Variants in RP1 observed in about 807,000 individuals in gnomAD.
RP1 encodes the protein oxygen-regulated protein 1.
In RP1, 16 loss-of-function variants were observed where a neutral mutation model predicts 14.8. The ratio of observed to expected loss-of-function variants is 1.08; its 90% CI spans 0.73 to 1.65. The LOEUF (loss-of-function observed/expected upper bound fraction) is 1.65, where lower values mean the gene tolerates loss of function less well. Among genes scored for constraint, RP1 ranks in the 40% most tolerant of loss-of-function variants. RP1 has a pLI of 0.00. For missense variants in RP1, 2,631 were observed against 2,535.0 expected (o/e 1.04, Z -0.81); for synonymous variants, 876 against 883.6 (o/e 0.99, Z 0.15).
At chr8:54,840,633 T>TC (rs1811770240) in intron 25 of RP1, among the ~76,000 whole-genome samples, 1 of 149,952 alleles carries the variant, frequency 6.7e-6, no homozygotes, top group African/African-American at 2.4e-5. Flanking sequence ...GTTTTTTTTT[T>TC]TTAATTTGAG....
chr8:54,731,048 T>C (rs1004292732), intron 17 of RP1, among the ~76,000 whole-genome samples: 1 of 152,126 alleles, frequency 6.6e-6, no homozygotes, highest in Non-Finnish European at 1.5e-5. Flanking sequence ...GAATAGCATA[T>C]AGAGGCTATA....
Position 54,627,167 on chromosome 8 carries a change from T to A in RP1, c.3285T>A (p.Val1095=). ...VLMLHQLQAS[V]PGIHKTQNGV... is the part of the protein sequence containing the mutation. Reference sequence around the variant, plus strand: ...TGCTTCACCAATTGCAAGCTTCAGTTCCTGGTATTCACAAGACTCAGAATG... The same window carrying A: ...TGCTTCACCAATTGCAAGCTTCAGTACCTGGTATTCACAAGACTCAGAATG... The change falls in exon 4 of 4, where the codon GTT becomes GTA. Residue 1095 remains valine, a synonymous_variant. Transcript: ENST00000220676. The A allele has an allele frequency of 6.2e-7, 1 of 1,614,062 alleles. No individual in the cohort carries two copies. The highest frequency in any genetic ancestry group is 8.5e-7 in the Non-Finnish European group (1 of 1,179,978).
chr8:54,735,237 G>C (rs1808889991), intron 18 of RP1, among the ~76,000 whole-genome samples: 1 of 152,098 alleles, frequency 6.6e-6, no homozygotes, highest in South Asian at 2.1e-4. Context: ...GCCATGTTTT[G>C]AAGCTTTGCC....
chr8:54,685,208 G>A (rs1190169251), intron 12 of RP1, among the ~76,000 whole-genome samples: 2 of 152,026 alleles, frequency 1.3e-5, no homozygotes, highest in Non-Finnish European at 2.9e-5. Context: ...TAGCTTTGGA[G>A]TTTATTTGCT....
upstream of RP1, among the ~76,000 whole-genome samples, chr8:54,614,402 C>T (rs533547616): frequency 7.9e-5 from 12 of 152,184 alleles, no homozygotes; most frequent in East Asian, 1.4e-3. Flanking sequence ...TTATCAAAGG[C>T]GGGCCAGGGC....
chr8:54,862,285 A>T (rs1262179348), intron 27 of RP1, among the ~76,000 whole-genome samples: 1 of 152,194 alleles, frequency 6.6e-6, no homozygotes, highest in Non-Finnish European at 1.5e-5. Context: ...CCTACAGTAT[A>T]TAAGAACTTC....
chr8:54,794,706 C>A (rs1810541390), intron 24 of RP1, among the ~76,000 whole-genome samples: 1 of 151,902 alleles, frequency 6.6e-6, no homozygotes, highest in Non-Finnish European at 1.5e-5. Context: ...GCACAGGCAA[C>A]ACAAGCAAAA....
chr8:54,783,118 C>T (rs1810230420), intron 23 of RP1, among the ~76,000 whole-genome samples: 1 of 152,102 alleles, frequency 6.6e-6, no homozygotes, highest in African/African-American at 2.4e-5. Context: ...GCTAGGATCA[C>T]CAAACTGTGT....
chr8:54,584,753 A>G lies in RP1; in HGVS notation c.-13+25433A>G, dbSNP rs1563318475. 3.3e-5 allele frequency among the ~76,000 whole-genome samples: 5 copies of G among 152,302 alleles called. No homozygotes were observed. In the South Asian group the frequency reaches 8.3e-4, roughly 25 times the overall value. On this transcript the variant is annotated intron_variant, in intron 1 of 22. Coordinates refer to the RP1 transcript ENST00000636932. The stretch of plus-strand genomic sequence containing the variant: ...TTGAATTGATCCTTTACCATTATGT[A>G]ATGGCCTTCTTTGTCTCTTTTGATC...
chr8:54,698,528 C>A (rs924623657), intron 12 of RP1, among the ~76,000 whole-genome samples: 7 of 152,142 alleles, frequency 4.6e-5, no homozygotes, highest in Non-Finnish European at 1.0e-4. Flanking sequence ...CCAGCAAATC[C>A]CATTCCTGGG....
chr8:54,582,673 T>C (rs1445536664), intron 1 of RP1, among the ~76,000 whole-genome samples: 2 of 152,182 alleles, frequency 1.3e-5, no homozygotes, highest in African/African-American at 2.4e-5. Flanking sequence ...TCCTCTTTTA[T>C]TTCATTGAGC....
At chr8:54,813,607 TTATC>T (rs1811065767) in intron 24 of RP1, among the ~76,000 whole-genome samples, 1 of 152,238 alleles carries the variant, frequency 6.6e-6, no homozygotes, top group Non-Finnish European at 1.5e-5. Flanking sequence ...AAACAAGATA[TTATC>T]TAATTCCGTG....
chr8:54,850,975 A>G (rs1329948153), intron 25 of RP1, among the ~76,000 whole-genome samples: 1 of 152,214 alleles, frequency 6.6e-6, no homozygotes, highest in East Asian at 1.9e-4. Flanking sequence ...TTAGTGCTCA[A>G]CTATGATAAC....
exon 29 of RP1, chr8:54,870,963 C>A (rs1017415147): frequency 6.6e-6 from 1 of 152,046 alleles, no homozygotes; most frequent in African/African-American, 2.4e-5. Flanking sequence ...GCCTTCCCTG[C>A]TTGTTTTTAG....
intron 3 of RP1, among the ~76,000 whole-genome samples, chr8:54,646,146 A>T (rs17318285): frequency 0.3 from 45,800 of 151,942 alleles, 8,406 homozygotes; most frequent in Middle Eastern, 0.46. Context: ...ATGCTGGACA[A>T]ACTCCTGAAA....
chr8:54,775,362 T>G (rs1001323141), intron 23 of RP1, among the ~76,000 whole-genome samples: 4 of 152,208 alleles, frequency 2.6e-5, no homozygotes, highest in Admixed American at 2.0e-4. Context: ...CTATGTGACA[T>G]TTTTGCTGTA....
chr8:54,811,404 T>C (rs1328310002), intron 24 of RP1, among the ~76,000 whole-genome samples: 2 of 152,226 alleles, frequency 1.3e-5, no homozygotes, highest in East Asian at 3.8e-4. Flanking sequence ...TCCTAGACTA[T>C]TTTATTATTG....
chr8:54,783,748 T>C (rs774138121), intron 24 of RP1: 470 of 1,158,218 alleles, frequency 4.1e-4, no homozygotes, highest in Non-Finnish European at 4.9e-4. Flanking sequence ...TGCTAAGATA[T>C]ATTGTGATAT....
In RP1 at chr8:54,626,394, T is replaced by C; in HGVS notation, c.2512T>C (p.Ser838Pro). 1 of 1,613,566 alleles carries C rather than the reference T, an allele frequency of 6.2e-7. No individual in the cohort carries two copies. The highest frequency in any genetic ancestry group is 2.2e-5 in the East Asian group (1 of 44,782). Residue 838 changes from serine to proline, a missense_variant, in exon 4 of 4, where the codon TCT (serine) becomes CCT (proline). Coordinates refer to ENST00000220676, the MANE Select transcript of RP1 (RefSeq NM_006269.2). ...QKPKDFYAPQ[S>P]QAEVASGYLR... is the part of the protein sequence containing the mutation. ...ACCCAAAGATTTTTATGCACCGCAA[T>C]CTCAAGCAGAAGTGGCATCTGGGTA...
Sources: gnomAD v4.1 joint callset for allele counts (sites outside exome capture counted in the v4.1 genomes callset) on GRCh38, gnomAD v4.1.1 for gene constraint, MANE v1.5 for transcripts, NCBI Gene and HGNC (gene_info 2026-07-23, HGNC 2026-07-21) for gene names.